The following GABBR2 variants were observed in gnomAD, a reference collection of about 807,000 sequenced individuals.
GABBR2 encodes G-protein coupled receptor 51.
Under a neutral mutation model 105.6 loss-of-function variants are expected in GABBR2, and 23 were observed. The ratio of observed to expected loss-of-function variants is 0.22; its 90% CI spans 0.16 to 0.31. GABBR2 has a LOEUF of 0.31. Among genes scored for constraint, GABBR2 ranks in the 10% least tolerant of loss-of-function variants. The pLI is 1.00. For synonymous variants in GABBR2, 478 were observed against 499.7 expected (o/e 0.96, Z 0.58); for missense variants, 734 against 1,245.5 (o/e 0.59, Z 6.18).
intron 13 of GABBR2, among the ~76,000 whole-genome samples, chr9:98,358,060 G>A (rs2131437099): frequency 6.6e-6 from 1 of 152,276 alleles, no homozygotes; most frequent in Middle Eastern, 3.4e-3. Flanking sequence ...TCCCACAGCT[G>A]TATAGCCTTC....
rs981109602 is a variant in GABBR2 at position 98,369,709 on chromosome 9, T to A, written c.1770+1755A>T. Among the ~76,000 whole-genome samples the A allele has an allele frequency of 9.9e-5, 15 of 152,012 alleles. No homozygotes were observed. In the South Asian group the frequency reaches 2.9e-3, roughly 29 times the overall value. On this transcript the variant is annotated intron_variant, in intron 12 of 18. Coordinates refer to ENST00000259455, the MANE Select transcript of GABBR2 (RefSeq NM_005458.8). ...TGAAAAACCAGAACAACAGGCTCCA[T>A]GTTCCACTGGGATGAGCCCACAGTG...
intron 1 of GABBR2, among the ~76,000 whole-genome samples, chr9:98,695,762 G>A (rs547733947): frequency 2.0e-5 from 3 of 152,092 alleles, no homozygotes; most frequent in Middle Eastern, 3.2e-3. Context: ...AAGGACTCTG[G>A]GGCTCAGGGG....
At chr9:98,607,509 T>G in intron 1 of GABBR2, 1 of 586,948 alleles carries the variant, frequency 1.7e-6, no homozygotes, top group Non-Finnish European at 3.0e-6. Context: ...TCTAGAAACA[T>G]AATAAAGAAG....
intron 1 of GABBR2, among the ~76,000 whole-genome samples, chr9:98,586,685 T>G (rs1023595154): frequency 6.6e-5 from 10 of 152,272 alleles, no homozygotes; most frequent in Non-Finnish European, 1.3e-4. Flanking sequence ...AACATACATA[T>G]AAGTGGAATT....
At chr9:98,433,447 G>A (rs1825847348) in intron 7 of GABBR2, among the ~76,000 whole-genome samples, 1 of 152,210 alleles carries the variant, frequency 6.6e-6, no homozygotes, top group African/African-American at 2.4e-5. Context: ...GATGAATCAT[G>A]AAAGTAATTA....
At chr9:98,367,464 G>C (rs530003679) in intron 12 of GABBR2, among the ~76,000 whole-genome samples, 2 of 152,212 alleles carry the variant, frequency 1.3e-5, no homozygotes, top group Admixed American at 6.5e-5. Context: ...GCATGGCTGT[G>C]GGGAGAGGAA....
intron 1 of GABBR2, among the ~76,000 whole-genome samples, chr9:98,705,441 A>T (rs1488723437): frequency 6.6e-6 from 1 of 152,218 alleles, no homozygotes; most frequent in Non-Finnish European, 1.5e-5. Context: ...TGCAGATCAT[A>T]TGGATAAAGG....
intron 1 of GABBR2, among the ~76,000 whole-genome samples, chr9:98,605,439 C>A (rs970076742): frequency 2.0e-5 from 3 of 152,260 alleles, no homozygotes; most frequent in African/African-American, 7.2e-5. Flanking sequence ...AGGCTACGGA[C>A]TCTCACCTGC....
chr9:98,350,511 A>T (rs1168363965), intron 13 of GABBR2, among the ~76,000 whole-genome samples: 1 of 152,044 alleles, frequency 6.6e-6, no homozygotes, highest in South Asian at 2.1e-4. Flanking sequence ...GTTGTTTAGG[A>T]GTATGTTGTT....
intron 6 of GABBR2, among the ~76,000 whole-genome samples, chr9:98,463,638 G>C (rs190097750): frequency 6.6e-6 from 1 of 150,522 alleles, no homozygotes; most frequent in South Asian, 2.1e-4. Flanking sequence ...TCTCGCTCTC[G>C]CTCTCCGTCT....
chr9:98,386,071 CCTCAGACA>C lies in GABBR2; in HGVS notation c.1530-307_1530-300del, dbSNP rs1260638892. ...CTACTGTTTGTCCTTCACTAAAAGA[CCTCAGACA>C]ACTATATATTTCTAATTGTTGATTT... On this transcript the variant is annotated intron_variant, in intron 10 of 18. Transcript: ENST00000259455. Among the ~76,000 whole-genome samples the C allele has an allele frequency of 3.9e-5, 6 of 152,198 alleles. No individual in the cohort carries two copies. In the East Asian group the frequency reaches 1.2e-3, roughly 29 times the overall value.
chr9:98,461,732 C>T (rs59692589), intron 6 of GABBR2, among the ~76,000 whole-genome samples: 1 of 152,206 alleles, frequency 6.6e-6, no homozygotes, highest in Non-Finnish European at 1.5e-5. Context: ...GCTTAATTGG[C>T]TCATGATTCT....
At chr9:98,495,302 G>T (rs972511367) in intron 4 of GABBR2, among the ~76,000 whole-genome samples, 2 of 152,226 alleles carry the variant, frequency 1.3e-5, no homozygotes, top group African/African-American at 4.8e-5. Flanking sequence ...GAAGGCAACT[G>T]CTCTAAGCTG....
intron 1 of GABBR2, among the ~76,000 whole-genome samples, chr9:98,672,709 T>C (rs1018670674): frequency 1.3e-5 from 2 of 152,274 alleles, no homozygotes; most frequent in African/African-American, 4.8e-5. Context: ...GGTTATTTGC[T>C]GTTTCACTTT....
chr9:98,439,307 G>C (rs1035665782), intron 7 of GABBR2, among the ~76,000 whole-genome samples: 1 of 152,206 alleles, frequency 6.6e-6, no homozygotes, highest in African/African-American at 2.4e-5. Context: ...CCTCCTGTGA[G>C]ATGACCTGAC....
intron 2 of GABBR2, among the ~76,000 whole-genome samples, chr9:98,544,008 TCCTCCCTCCTTCCCTC>T (rs1193860485): frequency 2.6e-5 from 4 of 152,040 alleles, no homozygotes; most frequent in Non-Finnish European, 5.9e-5. Flanking sequence ...AGTCTGTCTG[TCCTCCCTCCTTCCCTC>T]CCTCCCTCCC....
At chr9:98,566,869 A>T (rs1393304627) in intron 2 of GABBR2, among the ~76,000 whole-genome samples, 2 of 151,666 alleles carry the variant, frequency 1.3e-5, no homozygotes, top group Non-Finnish European at 2.9e-5. Flanking sequence ...AAGAAGAAGA[A>T]GATTACATGC....
At chr9:98,551,976 G>T (rs1828495195) in intron 2 of GABBR2, 1 of 152,202 alleles carries the variant, frequency 6.6e-6, no homozygotes, top group African/African-American at 2.4e-5. Flanking sequence ...GGTCTTGTGT[G>T]GGTGTGTGTT....
chr9:98,447,342 C>A (rs1209149267), intron 7 of GABBR2, among the ~76,000 whole-genome samples: 1 of 151,654 alleles, frequency 6.6e-6, no homozygotes, highest in South Asian at 2.1e-4. Flanking sequence ...GGATTACAGG[C>A]GTGAGCCACC....
Sources: gnomAD v4.1 joint callset for allele counts (sites outside exome capture counted in the v4.1 genomes callset) on GRCh38, gnomAD v4.1.1 for gene constraint, MANE v1.5 for transcripts, NCBI Gene and HGNC (gene_info 2026-07-23, HGNC 2026-07-21) for gene names.